FASTKD2: variants seen among roughly 807,000 people sequenced by gnomAD.
FASTKD2 encodes the protein FAST kinase domain-containing protein 2, mitochondrial.
FASTKD2 carries 51 observed loss-of-function variants against 63.6 expected under a neutral mutation model. That is an observed-to-expected ratio of 0.80 (90% CI 0.64 to 1.01). The LOEUF is 1.01. Ranked by LOEUF, FASTKD2 falls within the 50% of genes least tolerant of loss-of-function variation. The pLI is 0.00. For synonymous variants in FASTKD2, 284 were observed against 293.4 expected (o/e 0.97, Z 0.33); for missense variants, 786 against 831.1 (o/e 0.95, Z 0.67).
chr2:206,788,749 G>T, intron 9 of FASTKD2, 70 bp from the exon 10 acceptor site: 6 of 718,890 alleles, frequency 8.3e-6, no homozygotes, highest in East Asian at 2.9e-5. Flanking sequence ...AAAAAAAAAA[G>T]GAAAAGAAAA....
intron 7 of FASTKD2, among the ~76,000 whole-genome samples, chr2:206,779,540 A>C (rs1434764579): frequency 6.6e-6 from 1 of 152,206 alleles, no homozygotes; most frequent in Non-Finnish European, 1.5e-5. Context: ...GAGCAAGAGA[A>C]AGGGCGAGGA....
chr2:206,769,988 C>A, intron 2 of FASTKD2, 103 bp from the exon 3 acceptor site: 1 of 765,774 alleles, frequency 1.3e-6, no homozygotes, highest in Non-Finnish European at 2.4e-6. Flanking sequence ...TGGTTTGATA[C>A]TCAATCGTTT....
Position 206,786,906 on chromosome 2 carries a change from T to C in FASTKD2, c.1594+7T>C, listed in dbSNP as rs764302366. ...AGTGAGCTGCTGACATCAGGTAGGA[T>C]GTTAGTGCAGAATTGGTCACCAATT... On this transcript the variant is annotated splice_region_variant and intron_variant, in intron 8 of 11. Coordinates refer to ENST00000402774, the MANE Select transcript of FASTKD2 (RefSeq NM_001136193.2). The C allele has an allele frequency of 1.2e-6, 2 of 1,608,118 alleles. No individual in the cohort carries two copies. Among genetic ancestry groups the C allele is most frequent in the Non-Finnish European group, 1.7e-6 (2 of 1,175,164 alleles).
rs769093665 is a variant in FASTKD2, at chr2:206,786,931, T to TG, written c.1594+33dup. 2.9e-4 allele frequency: 384 copies of TG among 1,312,462 alleles called. 1 individual carries two copies. Among genetic ancestry groups the TG allele is most frequent in the South Asian group, 7.6e-4 (64 of 84,428 alleles). The allele number at this position is 1,312,462 out of a possible 1,614,324, so 81.3% of individuals were successfully genotyped here. A position where few individuals can be genotyped will look rare whatever the true frequency, so the allele number is the denominator to read the frequency against. On this transcript the variant is annotated intron_variant, in intron 8 of 11. Transcript: ENST00000402774. ...TGTTAGTGCAGAATTGGTCACCAAT[T>TG]GTGACCAATTCTGCACTACCACTAG... is the stretch of plus-strand genomic sequence containing the variant.
At chr2:206,770,315 G>C (rs962518922) in intron 3 of FASTKD2, 121 bp downstream of exon 3, 3 of 732,670 alleles carry the variant, frequency 4.1e-6, no homozygotes, top group African/African-American at 3.5e-5. Flanking sequence ...GGGAGGCTTT[G>C]TTGGTAGTTA....
intron 7 of FASTKD2, among the ~76,000 whole-genome samples, chr2:206,784,495 C>G (rs575522290): frequency 6.6e-6 from 1 of 152,324 alleles, no homozygotes; most frequent in African/African-American, 2.4e-5. Flanking sequence ...TCCAGAGTAT[C>G]TTGCTGGGCT....
At position 206,767,360 on chromosome 2, in the gene FASTKD2, G is replaced by A. The variant is rs1157340141; in HGVS notation, c.667G>A (p.Glu223Lys). The change falls in exon 2 of 12, where the codon GAA (glutamate) becomes AAA (lysine). Residue 223 changes from glutamate to lysine, a missense_variant. Transcript: ENST00000402774. ...TCAGCTCTGTGAACATATGATGAGA[G>A]AAGCCAAGATCATGCAGTATAAGTA... The part of the protein sequence containing the change: ...FNQLCEHMMR[E>K]AKIMQYKYLL... The A allele has an allele frequency of 1.9e-6, 3 of 1,613,958 alleles. No individual in the cohort carries two copies. Among genetic ancestry groups the A allele is most frequent in the African/African-American group, 1.3e-5 (1 of 74,932 alleles).
chr2:206,788,137 C>T lies in FASTKD2; in HGVS notation c.1795C>T (p.Pro599Ser). The T allele has an allele frequency of 6.3e-7, 1 of 1,599,186 alleles. No individual in the cohort carries two copies. Among genetic ancestry groups the T allele is most frequent in the South Asian group, 1.1e-5 (1 of 89,832 alleles). ...ACACTTCTCAAAGGATGTGCACTTG[C>T]CACACAATTATCATATTGGTATGGG... Reference protein sequence around the residue: ...EGHFSKDVHLPHNYHIDFEIR... With the variant: ...EGHFSKDVHLSHNYHIDFEIR... The change falls in exon 9 of 12, where the codon CCA becomes TCA. Residue 599 changes from proline to serine, a missense_variant. Pro to Ser is a moderately conservative substitution (Grantham distance 74, BLOSUM62 -1). Coordinates refer to ENST00000402774, the MANE Select transcript of FASTKD2 (RefSeq NM_001136193.2).
chr2:206,771,150 A>T, intron 3 of FASTKD2, 32 bp from the exon 4 acceptor site: 1 of 1,269,918 alleles, frequency 7.9e-7, no homozygotes, highest in Non-Finnish European at 1.1e-6. Context: ...TGAAGATTCT[A>T]TGATTTTAAT....
chr2:206,787,929 TC>T lies in FASTKD2; in HGVS notation c.1595-7del. ...TCTTAATGATATACTCTCTTTTTCA[TC>T]TTTTAGATGACATGAAGAATGCTTA... is the stretch of plus-strand genomic sequence containing the variant. On this transcript the variant is annotated splice_polypyrimidine_tract_variant and splice_region_variant and intron_variant, in intron 8 of 11. Transcript: ENST00000402774. 6.5e-7 allele frequency: 1 copy of T among 1,532,538 alleles called. No individual in the cohort carries two copies. The highest frequency in any genetic ancestry group is 9.0e-7 in the Non-Finnish European group (1 of 1,106,526). 94.9% of individuals were successfully genotyped at this position (1,532,538 alleles called of 1,614,324 possible).
intron 7 of FASTKD2, among the ~76,000 whole-genome samples, chr2:206,785,193 A>T (rs746121206): frequency 2.0e-5 from 3 of 152,224 alleles, no homozygotes; most frequent in Non-Finnish European, 2.9e-5. Flanking sequence ...AACCACCCCC[A>T]TGATTCAGCT....
At chr2:206,767,886 C>G (rs1178103191) in intron 2 of FASTKD2, among the ~76,000 whole-genome samples, 1 of 152,170 alleles carries the variant, frequency 6.6e-6, no homozygotes, top group East Asian at 1.9e-4. Flanking sequence ...GATGGTGTTT[C>G]AAGTAGAGAG....
chr2:206,783,909 ACTGGC>A (rs1690064263), intron 7 of FASTKD2, among the ~76,000 whole-genome samples: 1 of 152,150 alleles, frequency 6.6e-6, no homozygotes, highest in Non-Finnish European at 1.5e-5. Context: ...GGTCTGTGCT[ACTGGC>A]CTCTAGTGGA....
In FASTKD2 at chr2:206,792,838, C is replaced by T. The variant is rs886055511; in HGVS notation, c.*1036C>T. Among the ~76,000 whole-genome samples the T allele has an allele frequency of 6.6e-6, 1 of 152,204 alleles. No individual in the cohort carries two copies. The highest frequency in any genetic ancestry group is 1.5e-5 in the Non-Finnish European group (1 of 68,044). ...GATTCTCTCTGTGTCTTCACTTCCTCATCTCTAAAATCAGGATAGGTATTT... is the reference window on the plus strand; with the variant it reads ...GATTCTCTCTGTGTCTTCACTTCCTTATCTCTAAAATCAGGATAGGTATTT... On this transcript the variant is annotated 3_prime_UTR_variant, in exon 12 of 12. Transcript: ENST00000402774.
Position 206,766,636 on chromosome 2 carries a change from C to T in FASTKD2, c.-50-8C>T, listed in dbSNP as rs1317743406. The T allele has an allele frequency of 4.4e-6, 6 of 1,365,622 alleles. No individual in the cohort carries two copies. The highest frequency in any genetic ancestry group is 2.9e-5 in the African/African-American group (2 of 69,646). 84.6% of individuals were successfully genotyped at this position (1,365,622 alleles called of 1,614,324 possible). A position where few individuals can be genotyped will look rare whatever the true frequency, so the allele number is the denominator to read the frequency against. On this transcript the variant is annotated splice_polypyrimidine_tract_variant and splice_region_variant and intron_variant, in intron 1 of 11. Coordinates refer to ENST00000402774, the MANE Select transcript of FASTKD2 (RefSeq NM_001136193.2). ...TTTTTATTCTTTTCATTACTTCTTC[C>T]CCTACAGGAAAACGACAGCACGTGT...
chr2:206,786,675 C>T (rs897972247), intron 7 of FASTKD2, 58 bp from the exon 8 acceptor site: 23 of 1,420,360 alleles, frequency 1.6e-5, no homozygotes, highest in African/African-American at 1.3e-4. Context: ...TCTTTGGAAT[C>T]GTTACAGATA....
intron 11 of FASTKD2, 73 bp downstream of exon 11, chr2:206,790,759 G>A (rs1690263197): frequency 1.1e-6 from 1 of 873,916 alleles, no homozygotes; most frequent in Non-Finnish European, 2.0e-6. Flanking sequence ...GAATCTTGTG[G>A]TTGAGACTGG....
chr2:206,778,417 A>G (rs1209261774), intron 7 of FASTKD2, among the ~76,000 whole-genome samples: 1 of 151,994 alleles, frequency 6.6e-6, no homozygotes, highest in Non-Finnish European at 1.5e-5. Flanking sequence ...TGGGTGTTCA[A>G]GAGTGTGTTG....
rs546021759 is a variant in FASTKD2 at position 206,765,635 on chromosome 2, T to C, written c.-163T>C. On this transcript the variant is annotated 5_prime_UTR_variant, in exon 1 of 12. Transcript: ENST00000402774. ...CTGTCATGGCTGCTCCTGTACGTAG[T>C]CACGGTCTTGTGCTCTAAGGTGAGT... The C allele has an allele frequency of 2.6e-5, 18 of 695,430 alleles. No homozygotes were observed. The African/African-American group carries it at 3.1e-4, about 12-fold the overall frequency. 43.1% of individuals were successfully genotyped at this position (695,430 alleles called of 1,614,324 possible). A position where few individuals can be genotyped will look rare whatever the true frequency, so the allele number is the denominator to read the frequency against.
Sources: gnomAD v4.1 joint callset for allele counts (sites outside exome capture counted in the v4.1 genomes callset) on GRCh38, gnomAD v4.1.1 for gene constraint, MANE v1.5 for transcripts, NCBI Gene and HGNC (gene_info 2026-07-23, HGNC 2026-07-21) for gene names.